MSH3: variants seen among roughly 807,000 people sequenced by gnomAD.
MSH3 encodes the protein DNA mismatch repair protein Msh3.
In MSH3, 106 loss-of-function variants were observed where a neutral mutation model predicts 123.3. The ratio of observed to expected loss-of-function variants is 0.86; its 90% CI spans 0.73 to 1.01. MSH3 has a LOEUF of 1.01. Among genes scored for constraint, MSH3 ranks in the 50% least tolerant of loss-of-function variants. The pLI, the probability that MSH3 is intolerant of heterozygous loss-of-function variation, is 0.00. For synonymous variants in MSH3, 515 were observed against 481.4 expected, an observed-to-expected ratio of 1.07 and a Z score of -0.91; for missense variants, 1,459 against 1,347.6, an observed-to-expected ratio of 1.08 and a Z score of -1.29.
Position 80,672,787 on chromosome 5 carries a change from GA to G in MSH3, c.957del (p.Asp320ThrfsTer11), listed in dbSNP as rs1220944647. 2.5e-6 allele frequency: 4 copies of G among 1,614,110 alleles called. No individual in the cohort carries two copies. The highest frequency in any genetic ancestry group is 3.4e-6 in the Non-Finnish European group (4 of 1,180,016). ...GAAACTGCAGCATTAAAGGCCATTG[GA>G]GACAACAGAAGTTCACTCTTTTCCC... is the stretch of plus-strand genomic sequence containing the variant. The part of the protein sequence containing the change: ...QTETAALKAI[G>X]DNRSSLFSRK... On this transcript the variant is annotated frameshift_variant, in exon 6 of 24. Coordinates refer to ENST00000265081, the MANE Select transcript of MSH3 (RefSeq NM_002439.5). LOFTEE classifies it high-confidence loss of function.
intron 19 of MSH3, among the ~76,000 whole-genome samples, chr5:80,797,359 C>T (rs1261625978): frequency 2.6e-5 from 4 of 152,210 alleles, no homozygotes; most frequent in Non-Finnish European, 4.4e-5. Flanking sequence ...TGGCACATAG[C>T]TGGCACCTAA....
At chr5:80,872,051 G>A (rs1295129230) in intron 22 of MSH3, among the ~76,000 whole-genome samples, 1 of 152,150 alleles carries the variant, frequency 6.6e-6, no homozygotes, top group East Asian at 1.9e-4. Context: ...AGTGGGATCT[G>A]GGTGGTACTG....
chr5:80,853,502 T>G (rs1199600681), intron 20 of MSH3, among the ~76,000 whole-genome samples: 1 of 151,888 alleles, frequency 6.6e-6, no homozygotes, highest in Non-Finnish European at 1.5e-5. Flanking sequence ...ATATGTAGTC[T>G]CATACTAAAG....
intron 20 of MSH3, among the ~76,000 whole-genome samples, chr5:80,848,026 G>A (rs1019458039): frequency 6.6e-6 from 1 of 152,116 alleles, no homozygotes; most frequent in East Asian, 1.9e-4. Context: ...GAGCCCAGGT[G>A]TTGTGACCAG....
chr5:80,802,534 G>A (rs1744807380), intron 19 of MSH3, among the ~76,000 whole-genome samples: 1 of 151,930 alleles, frequency 6.6e-6, no homozygotes, highest in African/African-American at 2.4e-5. Context: ...GGTAACTGGG[G>A]TATCCATCAC....
intron 20 of MSH3, among the ~76,000 whole-genome samples, chr5:80,830,105 T>C: frequency 6.6e-6 from 1 of 152,288 alleles, no homozygotes; most frequent in Middle Eastern, 3.4e-3. Context: ...TATTAGTAAT[T>C]TGTATCCTCT....
intron 19 of MSH3, among the ~76,000 whole-genome samples, chr5:80,806,622 A>G (rs1474134234): frequency 1.3e-5 from 2 of 152,194 alleles, no homozygotes; most frequent in African/African-American, 2.4e-5. Flanking sequence ...CTTATTTGCT[A>G]TAGCATTATA....
At chr5:80,714,504 A>G (rs1255068402) in intron 8 of MSH3, among the ~76,000 whole-genome samples, 2 of 152,186 alleles carry the variant, frequency 1.3e-5, no homozygotes, top group African/African-American at 4.8e-5. Flanking sequence ...TAAGAAATCC[A>G]GGAAAATAGA....
rs755514051 is a variant in MSH3, at chr5:80,744,513, T to G, written c.1661T>G (p.Met554Arg). Residue 554 changes from methionine (M) to arginine (R), a missense_variant, in exon 12 of 24, where the codon ATG becomes AGG. By Grantham distance (91) the Met-to-Arg change is moderately conservative (BLOSUM62 -1). Transcript: ENST00000265081. ...NLEILQNQTD[M>R]KTKGSLLWVL... Reference sequence around the variant, plus strand: ...TTTTCTGGTCTTTCTTAGACTGATATGAAAACCAAAGGAAGTTTGCTGTGG... The same window carrying G: ...TTTTCTGGTCTTTCTTAGACTGATAGGAAAACCAAAGGAAGTTTGCTGTGG... 2 of 1,612,648 alleles carry G rather than the reference T, an allele frequency of 1.2e-6. No homozygotes were observed. Among genetic ancestry groups the G allele is most frequent in the Non-Finnish European group, 1.7e-6 (2 of 1,179,030 alleles).
intron 18 of MSH3, among the ~76,000 whole-genome samples, chr5:80,790,166 A>G (rs1293908728): frequency 2.0e-5 from 3 of 152,170 alleles, no homozygotes; most frequent in African/African-American, 7.2e-5. Flanking sequence ...ACACGTGGAG[A>G]TGTGTATAGG....
At chr5:80,729,429 AAT>A (rs1491556375) in intron 10 of MSH3, among the ~76,000 whole-genome samples, 1 of 62,796 alleles carries the variant, frequency 1.6e-5, no homozygotes, top group Non-Finnish European at 3.1e-5. Flanking sequence ...AAAAAAAAAA[AAT>A]GTGTGTGTGT....
intron 8 of MSH3, among the ~76,000 whole-genome samples, chr5:80,681,908 T>A (rs772435427): frequency 1.3e-5 from 2 of 152,170 alleles, no homozygotes; most frequent in Non-Finnish European, 2.9e-5. Context: ...AATTTAGGTG[T>A]CTTATGTGGG....
intron 13 of MSH3, among the ~76,000 whole-genome samples, chr5:80,767,199 AC>A (rs1449095175): frequency 7.1e-6 from 1 of 140,376 alleles, no homozygotes; most frequent in Non-Finnish European, 1.6e-5. Flanking sequence ...ATTCAGACAC[AC>A]ATATTTTTCA....
intron 20 of MSH3, among the ~76,000 whole-genome samples, chr5:80,841,606 A>C (rs1050788613): frequency 1.3e-5 from 2 of 152,182 alleles, no homozygotes; most frequent in Non-Finnish European, 2.9e-5. Flanking sequence ...TCTAACTGGA[A>C]TGAGATGGTA....
At chr5:80,840,376 C>A (rs747278379) in intron 20 of MSH3, among the ~76,000 whole-genome samples, 5 of 152,112 alleles carry the variant, frequency 3.3e-5, no homozygotes, top group Non-Finnish European at 7.4e-5. Context: ...TCACTTCTTC[C>A]ATTTCGACTG....
chr5:80,800,492 T>C (rs1404818043), intron 19 of MSH3, among the ~76,000 whole-genome samples: 1 of 152,246 alleles, frequency 6.6e-6, no homozygotes, highest in Non-Finnish European at 1.5e-5. Flanking sequence ...TGGGAACCCT[T>C]GATGTGTGCT....
At chr5:80,748,621 C>G (rs539305801) in intron 12 of MSH3, among the ~76,000 whole-genome samples, 1 of 150,674 alleles carries the variant, frequency 6.6e-6, no homozygotes, top group South Asian at 2.1e-4. Flanking sequence ...TAGATTATAT[C>G]GAATTAATTT....
rs553843898 is a variant in MSH3 at position 80,709,237 on chromosome 5, G to A, written c.1341-16216G>A. Among the ~76,000 whole-genome samples, 21 of 151,992 alleles carry A rather than the reference G, an allele frequency of 1.4e-4. No homozygotes were observed. In the South Asian group the frequency reaches 4.4e-3, roughly 32 times the overall value. Reference sequence around the variant, plus strand: ...TGTGTGTGTGTGTGTGTGTGTGTGTGTGTGTGTACCCTGAGCTAATGGAAT... The same window carrying A: ...TGTGTGTGTGTGTGTGTGTGTGTGTATGTGTGTACCCTGAGCTAATGGAAT... On this transcript the variant is annotated intron_variant, in intron 8 of 23. Transcript: ENST00000265081.
At position 80,820,072 on chromosome 5, in the gene MSH3, T is replaced by C. The variant is rs139914579; in HGVS notation, c.2813+6331T>C. Among the ~76,000 whole-genome samples, 10 of 152,350 alleles carry C rather than the reference T, an allele frequency of 6.6e-5. No homozygotes were observed. The East Asian group carries it at 1.2e-3, about 18-fold the overall frequency. ...CATTCCTTCATTCATGTTTTTCCTG[T>C]CATCTTCCAGAAAGGAATGAGACAG... On this transcript the variant is annotated intron_variant, in intron 20 of 23. Transcript: ENST00000265081.
Sources: allele counts gnomAD v4.1 joint callset (sites outside exome capture counted in the v4.1 genomes callset), GRCh38; gene constraint gnomAD v4.1.1; transcripts MANE v1.5; gene names NCBI Gene and HGNC (gene_info 2026-07-23, HGNC 2026-07-21).